The following SGSM3 variants were observed in gnomAD, a reference collection of about 807,000 sequenced individuals.
The protein encoded by SGSM3 is small G protein signaling modulator 3.
SGSM3 carries 96 observed loss-of-function variants against 100.5 expected under a neutral mutation model. That is an observed-to-expected ratio of 0.96 (90% CI 0.81 to 1.13). The LOEUF is 1.13. SGSM3 is among the 50% of genes most tolerant of loss of function. SGSM3 has a pLI of 0.00. For synonymous variants in SGSM3, 483 were observed against 422.8 expected (o/e 1.14, Z -1.75); for missense variants, 1,001 against 1,015.8 (o/e 0.99, Z 0.20).
chr22:40,408,203 G>A, intron 15 of SGSM3, 74 bp from the exon 16 acceptor site: 2 of 1,607,470 alleles, frequency 1.2e-6, no homozygotes, highest in East Asian at 4.5e-5. Flanking sequence ...CCTGTAGCAT[G>A]GCAGAGAGGA....
chr22:40,405,056 T>A, intron 6 of SGSM3, 85 bp from the exon 7 acceptor site: 1 of 1,434,518 alleles, frequency 7.0e-7, no homozygotes, highest in Non-Finnish European at 9.2e-7. Context: ...TCCCCATTTC[T>A]GGGGGAGAAG....
At chr22:40,408,048 T>TA (rs2051887594) in intron 14 of SGSM3, 23 bp from the exon 15 acceptor site, 1 of 1,612,022 alleles carries the variant, frequency 6.2e-7, no homozygotes, top group South Asian at 1.1e-5. Context: ...GGTTGCTCCT[T>TA]ACAGGGCCTG....
chr22:40,407,935 C>T lies in SGSM3; in HGVS notation c.1579+92C>T, dbSNP rs1373828589. 1 of 1,452,728 alleles carries T rather than the reference C, an allele frequency of 6.9e-7. No homozygotes were observed. The highest frequency in any genetic ancestry group is 9.5e-7 in the Non-Finnish European group (1 of 1,056,540). The allele number at this position is 1,452,728 out of a possible 1,614,324, so 90.0% of individuals were successfully genotyped here. ...ACCCTGGCCGCCACCAAGCTGTTCTCCTCTATACACCTGCCTGGCTTGAGG... is the reference window on the plus strand; with the variant it reads ...ACCCTGGCCGCCACCAAGCTGTTCTTCTCTATACACCTGCCTGGCTTGAGG... On this transcript the variant is annotated intron_variant, in intron 14 of 21. Coordinates refer to ENST00000248929, the MANE Select transcript of SGSM3 (RefSeq NM_015705.6). This position sits in a 1 kb window ranked among gnomAD's most constrained non-coding sequence, Gnocchi z 4.7.
Position 40,407,102 on chromosome 22 carries a change from G to A in SGSM3, c.1240+31G>A. 2 of 1,605,726 alleles carry A rather than the reference G, an allele frequency of 1.2e-6. No homozygotes were observed. Among genetic ancestry groups the A allele is most frequent in the Non-Finnish European group, 8.5e-7 (1 of 1,176,320 alleles). On this transcript the variant is annotated intron_variant, in intron 11 of 21. Transcript: ENST00000248929. This position sits in a 1 kb window ranked among gnomAD's most constrained non-coding sequence, Gnocchi z 4.7. ...AGCTCTGCGAGTGCCAGGCAGTGTG[G>A]GCATGCGGGAGTCTGTCCTCACGCT...
At chr22:40,384,086 A>C (rs973496787) in intron 1 of SGSM3, among the ~76,000 whole-genome samples, 4 of 152,124 alleles carry the variant, frequency 2.6e-5, no homozygotes, top group African/African-American at 9.7e-5. Flanking sequence ...TTGTCTCTAA[A>C]AATAAAAATT....
At position 40,404,195 on chromosome 22, in the gene SGSM3, G is replaced by A. The variant is rs1602057337; in HGVS notation, c.158-52G>A. ...GAAGACGGAGGCTTGGCTGCTTGGA[G>A]AACACGTAGTAGAGAATGCTTTTTC... is the stretch of plus-strand genomic sequence containing the variant. On this transcript the variant is annotated intron_variant, in intron 4 of 21. Coordinates refer to ENST00000248929, the MANE Select transcript of SGSM3 (RefSeq NM_015705.6). 3.5e-5 allele frequency: 50 copies of A among 1,437,720 alleles called. 1 individual carries two copies. In the South Asian group the frequency reaches 7.3e-4, roughly 21 times the overall value. 89.1% of individuals were successfully genotyped at this position (1,437,720 alleles called of 1,614,324 possible). A position where few individuals can be genotyped will look rare whatever the true frequency, so the allele number is the denominator to read the frequency against.
Position 40,406,219 on chromosome 22 carries a change from TC to T in SGSM3, c.957del (p.Lys320ArgfsTer5), listed in dbSNP as rs1569213078. On this transcript the variant is annotated frameshift_variant, in exon 9 of 22. Transcript: ENST00000248929. LOFTEE classifies it high-confidence loss of function. Reference sequence around the variant, plus strand: ...CAGCTCACGCTGGGCATGCTGCACCTCAAGGTGCTCCACGGCCCCACTTCAG... The same window carrying T: ...CAGCTCACGCTGGGCATGCTGCACCTAAGGTGCTCCACGGCCCCACTTCAG... Reference protein sequence around the residue: ...LFQLTLGMLHLKEEELIQSEN... With the variant: ...LFQLTLGMLHXKEEELIQSEN... 3 of 1,613,858 alleles carry T rather than the reference TC, an allele frequency of 1.9e-6. No homozygotes were observed. Among genetic ancestry groups the T allele is most frequent in the Non-Finnish European group, 2.5e-6 (3 of 1,179,992 alleles).
rs140343970 is a variant in SGSM3, at chr22:40,406,856, G to T, written c.1186-161G>T. On this transcript the variant is annotated intron_variant, in intron 10 of 21. Transcript: ENST00000248929. Reference sequence around the variant, plus strand: ...TTTGTGCACCTCAGGTTCTGATCCTGGCACGGTTTGGGAGGAAGGCAGACC... The same window carrying T: ...TTTGTGCACCTCAGGTTCTGATCCTTGCACGGTTTGGGAGGAAGGCAGACC... 2.3e-5 allele frequency: 21 copies of T among 898,858 alleles called. No homozygotes were observed. In the East Asian group the frequency reaches 5.0e-4, roughly 22 times the overall value. The allele number at this position is 898,858 out of a possible 1,614,324, so 55.7% of individuals were successfully genotyped here. A position where few individuals can be genotyped will look rare whatever the true frequency, so the allele number is the denominator to read the frequency against.
chr22:40,408,345 G>A lies in SGSM3; in HGVS notation c.1698G>A (p.Pro566=), dbSNP rs531320359. The A allele has an allele frequency of 3.2e-5, 52 of 1,613,518 alleles. No homozygotes were observed. In the South Asian group the frequency reaches 4.5e-4, roughly 14 times the overall value. ...VTDLVRGTLC[P]ALKALFEHGL... Reference sequence around the variant, plus strand: ...ACCTCGTGCGAGGGACCCTCTGCCCGGCCCTTAAGGCCCTGTTCGAACATG... The same window carrying A: ...ACCTCGTGCGAGGGACCCTCTGCCCAGCCCTTAAGGCCCTGTTCGAACATG... The change falls in exon 16 of 22, where the codon CCG becomes CCA. Residue 566 remains proline (P), a synonymous_variant. Coordinates refer to ENST00000248929, the MANE Select transcript of SGSM3 (RefSeq NM_015705.6).
chr22:40,384,058 G>A (rs2048027760), intron 1 of SGSM3, among the ~76,000 whole-genome samples: 2 of 152,088 alleles, frequency 1.3e-5, no homozygotes, highest in South Asian at 2.1e-4. Flanking sequence ...AGACCTTCCT[G>A]GGCAAGATAG....
chr22:40,401,303 G>T (rs1043426916), intron 2 of SGSM3, among the ~76,000 whole-genome samples: 4 of 151,974 alleles, frequency 2.6e-5, no homozygotes, highest in Admixed American at 2.6e-4. Flanking sequence ...GCCCAGGCTG[G>T]AGCGCAATGG....
chr22:40,409,096 G>C lies in SGSM3; in HGVS notation c.1988+78G>C, dbSNP rs960856634. 3 of 1,552,230 alleles carry C rather than the reference G, an allele frequency of 1.9e-6. No individual in the cohort carries two copies. In the Admixed American group the frequency reaches 5.8e-5, roughly 30 times the overall value. On this transcript the variant is annotated intron_variant, in intron 19 of 21. Transcript: ENST00000248929. ...CAGCATCAGGGGGGGTCCTTACAGGGAACCCTAAAGGACAAAGAACCTCAG... is the reference window on the plus strand; with the variant it reads ...CAGCATCAGGGGGGGTCCTTACAGGCAACCCTAAAGGACAAAGAACCTCAG...
rs762720440 is a variant in SGSM3 at position 40,406,112 on chromosome 22, G to T, written c.849G>T (p.Thr283=). The change falls in exon 9 of 22, where the codon ACG becomes ACT. Residue 283 remains threonine (T), a synonymous_variant. Transcript: ENST00000248929. ...LSLITLHWFL[T]AFASVVDIKL... is the part of the protein sequence containing the mutation. ...TGATCACACTGCACTGGTTCCTCAC[G>T]GCCTTCGCCAGCGTGGTGGACATCA... 1.2e-6 allele frequency: 2 copies of T among 1,614,076 alleles called. No homozygotes were observed. Among genetic ancestry groups the T allele is most frequent in the South Asian group, 1.1e-5 (1 of 91,084 alleles).
At chr22:40,375,432 T>C (rs1366711873) in intron 1 of SGSM3, among the ~76,000 whole-genome samples, 1 of 151,710 alleles carries the variant, frequency 6.6e-6, no homozygotes, top group African/African-American at 2.4e-5. Context: ...ATACAAAAAT[T>C]AGCTGGGTGT....
intron 4 of SGSM3, 142 bp from the exon 5 acceptor site, chr22:40,404,105 T>G (rs2051118343): frequency 1.6e-6 from 1 of 612,986 alleles, no homozygotes; most frequent in African/African-American, 1.9e-5. Flanking sequence ...AGAAAGCCAT[T>G]AGCTATGGGA....
At chr22:40,372,566 TA>T (rs1251792169) in intron 1 of SGSM3, 5 of 152,180 alleles carry the variant, frequency 3.3e-5, no homozygotes, top group African/African-American at 7.2e-5. Context: ...TGCTTCAATA[TA>T]AAAACGCATA....
At chr22:40,389,625 G>A (rs1229363012) in intron 1 of SGSM3, among the ~76,000 whole-genome samples, 8 of 90,956 alleles carry the variant, frequency 8.8e-5, no homozygotes, top group East Asian at 6.4e-4. Context: ...AAAAAAAAAA[G>A]GGCCGGGCGC....
rs200315341 is a variant in SGSM3, at chr22:40,409,242, G to A, written c.1989-8G>A. ...GCCCCTGCTCCCCACTCCTGGCCAT[G>A]TCCCCAGTGAGCAGGTGCTGCACCT... On this transcript the variant is annotated splice_region_variant and splice_polypyrimidine_tract_variant and intron_variant, in intron 19 of 21. Transcript: ENST00000248929. The A allele has an allele frequency of 6.3e-7, 1 of 1,597,794 alleles. No homozygotes were observed. Among genetic ancestry groups the A allele is most frequent in the Non-Finnish European group, 8.5e-7 (1 of 1,174,720 alleles).
rs528251273 is a variant in SGSM3 at position 40,400,472 on chromosome 22, G to A, written c.-111-224G>A. ...AGCCTGGCCAATATGGTGAAACCCC[G>A]TCTCTACTAAAAAGACAAAAATCAG... On this transcript the variant is annotated intron_variant, in intron 1 of 21. Coordinates refer to ENST00000248929, the MANE Select transcript of SGSM3 (RefSeq NM_015705.6). 3.9e-5 allele frequency among the ~76,000 whole-genome samples: 6 copies of A among 152,104 alleles called. No homozygotes were observed. The East Asian group carries it at 1.2e-3, about 29-fold the overall frequency.
Sources: allele counts gnomAD v4.1 joint callset (sites outside exome capture counted in the v4.1 genomes callset), GRCh38; gene constraint gnomAD v4.1.1; non-coding constraint Gnocchi (gnomAD v3.1); transcripts MANE v1.5; gene names NCBI Gene and HGNC (gene_info 2026-07-23, HGNC 2026-07-21).